The following CCBE1 variants were observed in gnomAD, a reference collection of about 807,000 sequenced individuals.
The protein encoded by CCBE1 is collagen and calcium binding EGF domains 1, also known as collagen and calcium-binding EGF domain-containing protein 1.
A neutral mutation model predicts 50.0 loss-of-function variants in CCBE1; 37 were observed. The ratio of observed to expected loss-of-function variants is 0.74; its 90% CI spans 0.57 to 0.97. CCBE1 has a LOEUF of 0.97. Ranked by LOEUF, CCBE1 falls within the 50% of genes least tolerant of loss-of-function variation. The probability of loss-of-function intolerance (pLI) is 0.00; values close to 1 mark genes in which losing one functional copy is unlikely to be tolerated. For synonymous variants in CCBE1, 234 were observed against 203.7 expected, an observed-to-expected ratio of 1.15 and a Z score of -1.27; for missense variants, 538 against 523.8, an observed-to-expected ratio of 1.03 and a Z score of -0.26.
chr18:59,680,631 G>C (rs547164434), intron 2 of CCBE1, among the ~76,000 whole-genome samples: 9 of 151,812 alleles, frequency 5.9e-5, no homozygotes, highest in African/African-American at 2.2e-4. Flanking sequence ...CCGGGAGGCG[G>C]AGGTTGCAGT....
intron 5 of CCBE1, among the ~76,000 whole-genome samples, chr18:59,459,946 C>T (rs1030349393): frequency 6.6e-6 from 1 of 152,186 alleles, no homozygotes; most frequent in African/African-American, 2.4e-5. Context: ...GGCCATCTGA[C>T]ACTGACCTGT....
intron 2 of CCBE1, among the ~76,000 whole-genome samples, chr18:59,595,672 A>G (rs546829534): frequency 6.6e-6 from 1 of 152,370 alleles, no homozygotes; most frequent in East Asian, 1.9e-4. Context: ...ATAACTTTAA[A>G]AGGTAAACAT....
At chr18:59,680,780 C>T (rs905749812) in intron 2 of CCBE1, among the ~76,000 whole-genome samples, 1 of 151,988 alleles carries the variant, frequency 6.6e-6, no homozygotes, top group East Asian at 1.9e-4. Context: ...CCCTTTCATC[C>T]ATCAGGTTAC....
intron 2 of CCBE1, among the ~76,000 whole-genome samples, chr18:59,536,483 A>T (rs1261483575): frequency 6.6e-6 from 1 of 152,220 alleles, no homozygotes; most frequent in East Asian, 1.9e-4. Flanking sequence ...TTTCAAAAAG[A>T]TTTCTATGTT....
intron 2 of CCBE1, among the ~76,000 whole-genome samples, chr18:59,583,700 CGTGT>C (rs878886936): frequency 4.1e-5 from 6 of 144,890 alleles, no homozygotes; most frequent in Middle Eastern, 3.5e-3. Flanking sequence ...CGCGCGCGCG[CGTGT>C]GTGTGTATGT....
chr18:59,526,007 G>C (rs1325069605), intron 2 of CCBE1, among the ~76,000 whole-genome samples: 2 of 152,158 alleles, frequency 1.3e-5, no homozygotes, highest in African/African-American at 4.8e-5. Context: ...AGTATAGTTT[G>C]AAGTTGGGTA....
intron 2 of CCBE1, among the ~76,000 whole-genome samples, chr18:59,663,458 A>C (rs1248310068): frequency 6.6e-6 from 1 of 152,172 alleles, no homozygotes; most frequent in Non-Finnish European, 1.5e-5. Flanking sequence ...TCATTTTTAA[A>C]ATCATCCTGA....
intron 2 of CCBE1, among the ~76,000 whole-genome samples, chr18:59,617,915 C>A (rs747471488): frequency 6.6e-6 from 1 of 152,176 alleles, no homozygotes; most frequent in Non-Finnish European, 1.5e-5. Flanking sequence ...ACTTTCATAT[C>A]ATGCAGAATT....
chr18:59,512,493 G>C (rs1914174596), intron 2 of CCBE1, among the ~76,000 whole-genome samples: 2 of 152,242 alleles, frequency 1.3e-5, no homozygotes, highest in Admixed American at 1.3e-4. Context: ...ATTTCAGCAG[G>C]AGTTAGAAAC....
intron 2 of CCBE1, among the ~76,000 whole-genome samples, chr18:59,603,104 T>C (rs1325515434): frequency 6.6e-6 from 1 of 152,190 alleles, no homozygotes; most frequent in Non-Finnish European, 1.5e-5. Flanking sequence ...TAGGACAATA[T>C]TTCTTAAACT....
intron 2 of CCBE1, among the ~76,000 whole-genome samples, chr18:59,560,506 C>A (rs959439585): frequency 6.6e-6 from 1 of 152,042 alleles, no homozygotes; most frequent in African/African-American, 2.4e-5. Flanking sequence ...GCATGCGGGG[C>A]TTAAAACCTA....
At chr18:59,586,926 C>A (rs915525425) in intron 2 of CCBE1, among the ~76,000 whole-genome samples, 2 of 152,142 alleles carry the variant, frequency 1.3e-5, no homozygotes, top group Admixed American at 6.5e-5. Flanking sequence ...GAAGGGATAG[C>A]AAACTTTCCA....
intron 2 of CCBE1, among the ~76,000 whole-genome samples, chr18:59,606,600 C>G (rs1472264198): frequency 2.0e-5 from 3 of 152,098 alleles, no homozygotes; most frequent in African/African-American, 4.8e-5. Context: ...CACGGGGCCC[C>G]AGGGTGACAT....
intron 2 of CCBE1, among the ~76,000 whole-genome samples, chr18:59,685,279 T>C (rs1303527373): frequency 1.3e-5 from 2 of 152,102 alleles, no homozygotes; most frequent in Admixed American, 1.3e-4. Flanking sequence ...ATGAGGAGTG[T>C]CCTATCCTTG....
At chr18:59,472,752 C>G (rs961040460) in intron 3 of CCBE1, among the ~76,000 whole-genome samples, 3 of 152,194 alleles carry the variant, frequency 2.0e-5, no homozygotes, top group Admixed American at 2.0e-4. Flanking sequence ...TTAGTCTGTT[C>G]TCACGCTGCT....
intron 2 of CCBE1, among the ~76,000 whole-genome samples, chr18:59,636,118 A>C (rs1331609322): frequency 6.6e-6 from 1 of 151,786 alleles, no homozygotes; most frequent in African/African-American, 2.4e-5. Context: ...ATGCCAACAC[A>C]CTCCAGCCTG....
chr18:59,697,459 G>T, upstream of CCBE1: 1 of 1,359,972 alleles, frequency 7.4e-7, no homozygotes, highest in Non-Finnish European at 9.8e-7. Context: ...GAGCAGGGGC[G>T]TTTGCACCAC....
Position 59,536,128 on chromosome 18 carries a change from A to T in CCBE1, c.213-55890T>A, listed in dbSNP as rs193107971. Among the ~76,000 whole-genome samples, 13 of 152,346 alleles carry T rather than the reference A, an allele frequency of 8.5e-5. No individual in the cohort carries two copies. The East Asian group carries it at 2.5e-3, about 29-fold the overall frequency. ...AAGGTCTGAAATAATTCATTAAAAA[A>T]CCATAATAGGTTTTGAGTCTAGAGA... On this transcript the variant is annotated intron_variant, in intron 2 of 10. Transcript: ENST00000439986.
intron 3 of CCBE1, among the ~76,000 whole-genome samples, chr18:59,476,038 T>C (rs1353800075): frequency 6.6e-6 from 1 of 152,196 alleles, no homozygotes; most frequent in Non-Finnish European, 1.5e-5. Context: ...ATTTACTGAA[T>C]GCTTACTCTG....
Sources: allele counts gnomAD v4.1 joint callset (sites outside exome capture counted in the v4.1 genomes callset), GRCh38; gene constraint gnomAD v4.1.1; transcripts MANE v1.5; gene names NCBI Gene and HGNC (gene_info 2026-07-23, HGNC 2026-07-21).